Variants in ROBO2 observed in about 807,000 individuals in gnomAD.
ROBO2 encodes roundabout guidance receptor 2, also known as roundabout homolog 2.
ROBO2 carries 53 observed loss-of-function variants against 160.8 expected under a neutral mutation model. The observed-to-expected ratio is 0.33, with a 90% CI of 0.26 to 0.41. The LOEUF (loss-of-function observed/expected upper bound fraction) is 0.41. Among genes scored for constraint, ROBO2 ranks in the 10% least tolerant of loss-of-function variants. The pLI is 1.00. For synonymous variants in ROBO2, 664 were observed against 611.7 expected, an observed-to-expected ratio of 1.09 and a Z score of -1.26; for missense variants, 1,577 against 1,722.4, an observed-to-expected ratio of 0.92 and a Z score of 1.49.
intron 2 of ROBO2, among the ~76,000 whole-genome samples, chr3:76,381,034 TAAA>T (rs57061903): frequency 1.1e-4 from 12 of 105,448 alleles, no homozygotes; most frequent in Admixed American, 3.0e-4. Context: ...GTGAGCGGAC[TAAA>T]AAAAAAAAAA....
At chr3:77,150,664 A>G (rs1276185127) in intron 2 of ROBO2, among the ~76,000 whole-genome samples, 2 of 152,114 alleles carry the variant, frequency 1.3e-5, no homozygotes, top group Non-Finnish European at 2.9e-5. Context: ...TGTAGAAAAA[A>G]AGCCTTACCA....
intron 2 of ROBO2, among the ~76,000 whole-genome samples, chr3:76,955,720 T>G (rs2079203920): frequency 6.6e-6 from 1 of 152,080 alleles, no homozygotes; most frequent in Non-Finnish European, 1.5e-5. Flanking sequence ...TGTTTTAATG[T>G]CAGCCTGAAA....
chr3:76,575,865 G>A lies in ROBO2; in HGVS notation c.110-522149G>A, dbSNP rs184706227. On this transcript the variant is annotated intron_variant, in intron 2 of 26. Transcript: ENST00000487694. Reference sequence around the variant, plus strand: ...GAGTTTTTAGATTTGTGGAGAGAGAGAGAGGATTTTAGTGACTGCCTCTCA... The same window carrying A: ...GAGTTTTTAGATTTGTGGAGAGAGAAAGAGGATTTTAGTGACTGCCTCTCA... 8.5e-5 allele frequency among the ~76,000 whole-genome samples: 13 copies of A among 152,182 alleles called. 1 individual carries two copies. In the East Asian group the frequency reaches 1.5e-3, roughly 18 times the overall value.
At chr3:77,490,069 G>A (rs902761514) in intron 4 of ROBO2, among the ~76,000 whole-genome samples, 3 of 150,734 alleles carry the variant, frequency 2.0e-5, no homozygotes, top group Admixed American at 6.6e-5. Context: ...TCTTGTTCCG[G>A]ACTTCAATGG....
intron 2 of ROBO2, among the ~76,000 whole-genome samples, chr3:76,656,114 A>G (rs2091511561): frequency 6.6e-6 from 1 of 152,130 alleles, no homozygotes; most frequent in Non-Finnish European, 1.5e-5. Context: ...TAAAATCTAG[A>G]AAAATGTATA....
At chr3:76,610,419 G>A in intron 2 of ROBO2, among the ~76,000 whole-genome samples, 1 of 152,176 alleles carries the variant, frequency 6.6e-6, no homozygotes, top group East Asian at 1.9e-4. Flanking sequence ...GAACGGCGTG[G>A]GGTGAGCAGC....
chr3:76,258,942 A>C (rs1408563704), intron 2 of ROBO2, among the ~76,000 whole-genome samples: 1 of 152,094 alleles, frequency 6.6e-6, no homozygotes, highest in Admixed American at 6.6e-5. Context: ...GAGAAAAGTC[A>C]TCACATTTTA....
chr3:77,308,473 G>C (rs1459103835), intron 2 of ROBO2, among the ~76,000 whole-genome samples: 1 of 152,170 alleles, frequency 6.6e-6, no homozygotes, highest in African/African-American at 2.4e-5. Flanking sequence ...CGTTGTGTCA[G>C]TGACGCTGGA....
exon 26 of ROBO2, chr3:77,646,985 A>G (rs1044641158): frequency 1.3e-5 from 2 of 152,548 alleles, no homozygotes; most frequent in African/African-American, 4.8e-5. Flanking sequence ...GAATTATCGT[A>G]ATTAAGCTCT....
intron 2 of ROBO2, among the ~76,000 whole-genome samples, chr3:76,476,828 C>A (rs1405057141): frequency 7.4e-6 from 1 of 135,476 alleles, no homozygotes; most frequent in Non-Finnish European, 1.6e-5. Flanking sequence ...AATTTATATT[C>A]TTGGGAAAAA....
chr3:77,162,652 C>G (rs1352310591), intron 2 of ROBO2, among the ~76,000 whole-genome samples: 1 of 152,102 alleles, frequency 6.6e-6, no homozygotes, highest in Non-Finnish European at 1.5e-5. Context: ...AGAACCATCT[C>G]CCTCTTTTAT....
intron 2 of ROBO2, among the ~76,000 whole-genome samples, chr3:76,266,367 T>G (rs562187808): frequency 6.6e-6 from 1 of 152,256 alleles, no homozygotes; most frequent in African/African-American, 2.4e-5. Flanking sequence ...ACTGTAAGGT[T>G]ATTTTAGCAC....
intron 2 of ROBO2, among the ~76,000 whole-genome samples, chr3:76,178,082 A>G (rs568758747): frequency 5.3e-5 from 8 of 152,262 alleles, no homozygotes; most frequent in African/African-American, 1.7e-4. Context: ...TAGCTCCCCA[A>G]AAAGGAGATT....
intron 2 of ROBO2, among the ~76,000 whole-genome samples, chr3:76,440,428 G>A (rs1341106366): frequency 6.6e-6 from 1 of 151,782 alleles, no homozygotes; most frequent in Non-Finnish European, 1.5e-5. Context: ...AGACCCCGGT[G>A]TGTGATGTTC....
At chr3:75,911,502 T>C (rs1288948333) in intron 1 of ROBO2, among the ~76,000 whole-genome samples, 2 of 151,910 alleles carry the variant, frequency 1.3e-5, no homozygotes, top group Admixed American at 1.3e-4. Context: ...TAGTTCTGCC[T>C]TTTATTGACT....
In ROBO2 at chr3:77,076,370, TG is replaced by T. The variant is rs558827778; in HGVS notation, c.62-21640del. Among the ~76,000 whole-genome samples the T allele has an allele frequency of 3.1e-3, 470 of 152,276 alleles. 4 individuals are homozygous for T. The highest frequency in any genetic ancestry group is 0.014 in the Middle Eastern group (4 of 290). On this transcript the variant is annotated intron_variant, in intron 1 of 25. Coordinates refer to ENST00000461745, the Ensembl canonical transcript of ROBO2. ...CTAATTCAAATATTTAAAACTTCTT[TG>T]GGGAAGGAACATATTTTAGCATACG... is the stretch of plus-strand genomic sequence containing the variant.
intron 19 of ROBO2, among the ~76,000 whole-genome samples, chr3:77,598,049 A>G (rs890261810): frequency 6.6e-6 from 1 of 152,122 alleles, no homozygotes; most frequent in Non-Finnish European, 1.5e-5. Flanking sequence ...ATTAATTAGA[A>G]TAGTGCTGTA....
At chr3:77,406,291 A>C (rs1459303041) in intron 2 of ROBO2, among the ~76,000 whole-genome samples, 3 of 152,178 alleles carry the variant, frequency 2.0e-5, no homozygotes, top group African/African-American at 7.2e-5. Flanking sequence ...CCCTTCCTTG[A>C]TATATGGGAT....
intron 2 of ROBO2, among the ~76,000 whole-genome samples, chr3:77,377,502 A>G (rs1019359380): frequency 4.6e-5 from 7 of 152,342 alleles, no homozygotes; most frequent in African/African-American, 1.2e-4. Context: ...CATTCACTTT[A>G]TAACTAGATA....
Sources: allele counts gnomAD v4.1 joint callset (sites outside exome capture counted in the v4.1 genomes callset), GRCh38; gene constraint gnomAD v4.1.1; transcripts MANE v1.5; gene names NCBI Gene and HGNC (gene_info 2026-07-23, HGNC 2026-07-21).